The following ARHGAP26 variants were observed in gnomAD, a reference collection of about 807,000 sequenced individuals.
The protein encoded by ARHGAP26 is rho GTPase-activating protein 26.
A neutral mutation model predicts 104.8 loss-of-function variants in ARHGAP26; 38 were observed. The ratio of observed to expected loss-of-function variants is 0.36; its 90% confidence interval spans 0.28 to 0.48. ARHGAP26 has a LOEUF of 0.48. ARHGAP26 is among the 20% of genes least tolerant of loss of function. The pLI, the probability that ARHGAP26 is intolerant of heterozygous loss-of-function variation, is 0.99. For missense variants in ARHGAP26, 704 were observed against 947.9 expected, an observed-to-expected ratio of 0.74 and a Z score of 3.38; for synonymous variants, 341 against 340.0, an observed-to-expected ratio of 1.00 and a Z score of -0.03.
chr5:142,914,745 A>G (rs1762266361), intron 10 of ARHGAP26, among the ~76,000 whole-genome samples: 1 of 152,208 alleles, frequency 6.6e-6, no homozygotes, highest in Non-Finnish European at 1.5e-5. Flanking sequence ...GGAATTGCAA[A>G]CAGCCTTCCC....
At chr5:142,944,437 A>C (rs1766811996) in intron 11 of ARHGAP26, among the ~76,000 whole-genome samples, 1 of 152,198 alleles carries the variant, frequency 6.6e-6, no homozygotes, top group African/African-American at 2.4e-5. Context: ...CATATTTAAT[A>C]TTCCAGTAGA....
At chr5:142,982,577 A>G (rs1397479522) in intron 11 of ARHGAP26, among the ~76,000 whole-genome samples, 2 of 152,312 alleles carry the variant, frequency 1.3e-5, no homozygotes, top group Non-Finnish European at 2.9e-5. Flanking sequence ...GGAATCTGAA[A>G]AGGAAGGGAA....
At chr5:142,907,293 G>A (rs1045171537) in intron 8 of ARHGAP26, 1 of 153,366 alleles carries the variant, frequency 6.5e-6, no homozygotes, top group African/African-American at 2.4e-5. Context: ...CGCAACAGAT[G>A]GGAATGGTCA....
At chr5:143,187,232 T>C (rs1346244974) in intron 20 of ARHGAP26, among the ~76,000 whole-genome samples, 1 of 152,214 alleles carries the variant, frequency 6.6e-6, no homozygotes, top group Non-Finnish European at 1.5e-5. Flanking sequence ...TTGAAGGCTA[T>C]CTGACCCTAA....
intron 20 of ARHGAP26, among the ~76,000 whole-genome samples, chr5:143,206,085 G>C (rs556463086): frequency 6.6e-6 from 1 of 152,298 alleles, no homozygotes; most frequent in African/African-American, 2.4e-5. Flanking sequence ...GTTTGAATTG[G>C]TATAACCCTA....
intron 1 of ARHGAP26, among the ~76,000 whole-genome samples, chr5:142,844,387 A>G (rs761851499): frequency 8.6e-5 from 13 of 150,716 alleles, no homozygotes; most frequent in Non-Finnish European, 1.8e-4. Flanking sequence ...CTTGTTTTCC[A>G]TGAATGAGTT....
intron 1 of ARHGAP26, among the ~76,000 whole-genome samples, chr5:142,863,760 T>G (rs1753779080): frequency 1.3e-5 from 2 of 152,150 alleles, no homozygotes; most frequent in Non-Finnish European, 2.9e-5. Context: ...CCAGGCCTGC[T>G]GGATCACATG....
At chr5:142,932,734 A>G (rs1764896555) in intron 11 of ARHGAP26, among the ~76,000 whole-genome samples, 1 of 152,268 alleles carries the variant, frequency 6.6e-6, no homozygotes, top group African/African-American at 2.4e-5. Context: ...ATTGATACTT[A>G]CACAGGTACT....
At chr5:143,057,840 C>A in intron 17 of ARHGAP26, 93 bp downstream of exon 17, 1 of 1,042,372 alleles carries the variant, frequency 9.6e-7, no homozygotes, top group Non-Finnish European at 1.5e-6. Context: ...TTGTTTCTCT[C>A]TCCCACTATT....
At chr5:142,946,452 T>G (rs1482265250) in intron 11 of ARHGAP26, 2 of 152,204 alleles carry the variant, frequency 1.3e-5, no homozygotes, top group Non-Finnish European at 2.9e-5. Context: ...AATTTTTTTT[T>G]TCTTTGTGGG....
chr5:143,012,576 T>TATATATATATATATATCTATATATATA (rs1554195628), intron 11 of ARHGAP26, among the ~76,000 whole-genome samples: 1 of 57,032 alleles, frequency 1.8e-5, no homozygotes, highest in Non-Finnish European at 5.2e-5. Context: ...TATATATATA[T>TATATATATATATATATCTATATATATA]TATGATCAGG....
At chr5:142,785,411 C>T (rs1182195961) in intron 1 of ARHGAP26, among the ~76,000 whole-genome samples, 1 of 152,244 alleles carries the variant, frequency 6.6e-6, no homozygotes, top group Admixed American at 6.5e-5. Flanking sequence ...TTTACTAGTG[C>T]AACCTGACTA....
intron 20 of ARHGAP26, among the ~76,000 whole-genome samples, chr5:143,187,195 A>C (rs1303686737): frequency 6.6e-6 from 1 of 152,218 alleles, no homozygotes; most frequent in Non-Finnish European, 1.5e-5. Context: ...CCAGGGTGAC[A>C]CAGCTAATAA....
chr5:143,189,766 C>T lies in ARHGAP26; in HGVS notation c.1989-17432C>T, dbSNP rs148315650. 8.9e-3 allele frequency among the ~76,000 whole-genome samples: 1,349 copies of T among 152,136 alleles called. 18 individuals are homozygous for T. Among genetic ancestry groups the T allele is most frequent in the African/African-American group, 0.029 (1,206 of 41,498 alleles). On this transcript the variant is annotated intron_variant, in intron 20 of 22. Transcript: ENST00000645722. ...CCAATAGGAGCTTTGATATTTTTCT[C>T]CTCCACCAGCCTGTGTTCTCGCCCA... is the stretch of plus-strand genomic sequence containing the variant.
rs1755625460 is a variant in ARHGAP26, at chr5:142,873,405, T to C, written c.160T>C (p.Ser54Pro). Residue 54 changes from serine to proline, a missense_variant, in exon 2 of 23, where the codon TCT (serine) becomes CCT (proline). Coordinates refer to ENST00000645722, the MANE Select transcript of ARHGAP26 (RefSeq NM_001135608.3). ...KSLISALKNL[S>P]SAKRKFADSL... ...TCCTGTCTTTTTCTTGCTAGATTTG[T>C]CTTCAGCGAAGCGGAAGTTTGCAGA... The C allele has an allele frequency of 6.3e-7, 1 of 1,591,090 alleles. No individual in the cohort carries two copies. Among genetic ancestry groups the C allele is most frequent in the Non-Finnish European group, 8.5e-7 (1 of 1,173,668 alleles).
chr5:142,980,431 C>T (rs778176482), intron 11 of ARHGAP26, among the ~76,000 whole-genome samples: 3 of 143,296 alleles, frequency 2.1e-5, no homozygotes, highest in Non-Finnish European at 3.0e-5. Context: ...CTTAGTTGCC[C>T]AGGCTGGAGT....
intron 20 of ARHGAP26, among the ~76,000 whole-genome samples, chr5:143,191,662 C>T (rs984901577): frequency 1.1e-4 from 17 of 152,124 alleles, no homozygotes; most frequent in Non-Finnish European, 2.2e-4. Context: ...ATGTGACAAA[C>T]GTCATGAAGG....
intron 1 of ARHGAP26, among the ~76,000 whole-genome samples, chr5:142,836,839 T>C (rs1019124502): frequency 1.3e-5 from 2 of 152,218 alleles, no homozygotes; most frequent in Non-Finnish European, 2.9e-5. Flanking sequence ...TTTTATGAGA[T>C]TGGTATTATC....
intron 11 of ARHGAP26, among the ~76,000 whole-genome samples, chr5:142,980,881 C>G (rs1288011291): frequency 6.6e-6 from 1 of 152,190 alleles, no homozygotes; most frequent in African/African-American, 2.4e-5. Context: ...GTTCCATGCC[C>G]TCACCTATGC....
Sources: gnomAD v4.1 joint callset for allele counts (sites outside exome capture counted in the v4.1 genomes callset) on GRCh38, gnomAD v4.1.1 for gene constraint, MANE v1.5 for transcripts, NCBI Gene and HGNC (gene_info 2026-07-23, HGNC 2026-07-21) for gene names.